CLINT1: variants seen among roughly 807,000 people sequenced by gnomAD.
CLINT1 encodes clathrin interacting protein localized in the trans-Golgi region.
Under a neutral mutation model 70.4 loss-of-function variants are expected in CLINT1, and 15 were observed. The observed-to-expected ratio is 0.21, with a 90% CI of 0.14 to 0.33. The LOEUF is 0.33. Among genes scored for constraint, CLINT1 ranks in the 10% least tolerant of loss-of-function variants. The pLI, the probability that CLINT1 is intolerant of heterozygous loss-of-function variation, is 1.00. For missense variants in CLINT1, 615 were observed against 778.1 expected, an observed-to-expected ratio of 0.79 and a Z score of 2.49; for synonymous variants, 227 against 254.7, an observed-to-expected ratio of 0.89 and a Z score of 1.04.
chr5:157,825,869 T>C (rs142337655), intron 1 of CLINT1, among the ~76,000 whole-genome samples: 19 of 152,238 alleles, frequency 1.2e-4, no homozygotes, highest in African/African-American at 4.3e-4. Flanking sequence ...AGTATTATCA[T>C]GAAGGCAGAG....
chr5:157,850,390 G>A (rs1454875674), intron 1 of CLINT1, among the ~76,000 whole-genome samples: 1 of 151,970 alleles, frequency 6.6e-6, no homozygotes, highest in African/African-American at 2.4e-5. Flanking sequence ...GGCTTGAGGC[G>A]GGCGGATTGC....
rs761447123 is a variant in CLINT1, at chr5:157,787,624, A to G, written c.*22T>C. ...CTGCACAGCTAAAAATTCTTCATTC[A>G]ATCTGCTTCTTTTACAATCTCTTAT... is the stretch of plus-strand genomic sequence containing the variant. On this transcript the variant is annotated 3_prime_UTR_variant, in exon 12 of 12. Transcript: ENST00000411809. 3 of 1,601,358 alleles carry G rather than the reference A, an allele frequency of 1.9e-6. No homozygotes were observed. Among genetic ancestry groups the G allele is most frequent in the African/African-American group, 1.3e-5 (1 of 74,662 alleles).
intron 1 of CLINT1, among the ~76,000 whole-genome samples, chr5:157,838,122 G>GTTTT (rs199515235): frequency 3.1e-5 from 4 of 129,944 alleles, no homozygotes; most frequent in Non-Finnish European, 4.8e-5. Context: ...AGGTTTTTTT[G>GTTTT]TTTTTTTTTT....
intron 1 of CLINT1, among the ~76,000 whole-genome samples, chr5:157,854,292 T>TA (rs779657899): frequency 6.6e-6 from 1 of 152,082 alleles, no homozygotes; most frequent in African/African-American, 2.4e-5. Flanking sequence ...GTTCAGAAAA[T>TA]AGAGTACTAG....
chr5:157,788,464 T>C (rs1761794512), intron 11 of CLINT1, among the ~76,000 whole-genome samples: 1 of 152,152 alleles, frequency 6.6e-6, no homozygotes, highest in African/African-American at 2.4e-5. Flanking sequence ...AACAGAAGTA[T>C]GAAGATTTAT....
chr5:157,803,797 A>C, intron 7 of CLINT1, 78 bp from the exon 8 acceptor site: 25 of 1,003,352 alleles, frequency 2.5e-5, no homozygotes, highest in Non-Finnish European at 3.6e-5. Context: ...TCTAATTCTC[A>C]ATTTAGACAT....
rs771920075 is a variant in CLINT1, at chr5:157,787,839, C to G, written c.1685G>C (p.Gly562Ala). 3.7e-6 allele frequency: 6 copies of G among 1,613,922 alleles called. No individual in the cohort carries two copies. Among genetic ancestry groups the G allele is most frequent in the Non-Finnish European group, 5.1e-6 (6 of 1,179,866 alleles). Residue 562 changes from glycine to alanine, a missense_variant, in exon 12 of 12, where the codon GGA becomes GCA. Gly to Ala is a moderately conservative substitution (Grantham distance 60). Transcript: ENST00000411809. ...CGGAGTATTTCCAAGAGGGGCCATT[C>G]CCATGGTGCCAGTCATCACATTGGG... is the stretch of plus-strand genomic sequence containing the variant. ...SMPNVMTGTM[G>A]MAPLGNTPMM...
At chr5:157,788,153 C>T in intron 11 of CLINT1, 161 bp from the exon 12 acceptor site, 1 of 679,298 alleles carries the variant, frequency 1.5e-6, no homozygotes. Context: ...GCACTGGTTC[C>T]TCTTGAGACA....
At chr5:157,815,142 C>A (rs999538184) in intron 3 of CLINT1, among the ~76,000 whole-genome samples, 1 of 151,542 alleles carries the variant, frequency 6.6e-6, no homozygotes, top group Admixed American at 6.6e-5. Context: ...CACACACACA[C>A]ACACACAAAT....
chr5:157,800,779 A>C (rs1762188158), intron 8 of CLINT1, among the ~76,000 whole-genome samples: 5 of 152,198 alleles, frequency 3.3e-5, no homozygotes, highest in Admixed American at 2.6e-4. Context: ...ACTGGAGAAG[A>C]CAAACCACTC....
chr5:157,846,273 G>A (rs902040213), intron 1 of CLINT1, among the ~76,000 whole-genome samples: 19 of 152,180 alleles, frequency 1.2e-4, no homozygotes, highest in Admixed American at 9.2e-4. Flanking sequence ...TGTTCTTGAA[G>A]GAAATTTAAA....
At chr5:157,845,829 C>T (rs1753358106) in intron 1 of CLINT1, among the ~76,000 whole-genome samples, 1 of 152,248 alleles carries the variant, frequency 6.6e-6, no homozygotes, top group Non-Finnish European at 1.5e-5. Context: ...GCTGGGATTA[C>T]AGGCGTAAGC....
At chr5:157,836,881 TA>T (rs1227634390) in intron 1 of CLINT1, among the ~76,000 whole-genome samples, 8 of 152,210 alleles carry the variant, frequency 5.3e-5, no homozygotes, top group African/African-American at 1.9e-4. Flanking sequence ...ACACAGAATG[TA>T]TAATTATTTT....
At chr5:157,792,553 A>T (rs1162248543) in intron 9 of CLINT1, among the ~76,000 whole-genome samples, 2 of 152,194 alleles carry the variant, frequency 1.3e-5, no homozygotes. Context: ...GTCTAAAAAA[A>T]AATGAAGAAT....
intron 1 of CLINT1, chr5:157,823,781 G>A (rs891910566): frequency 7.3e-5 from 57 of 784,190 alleles, no homozygotes; most frequent in South Asian, 1.2e-4. Flanking sequence ...CCCAACCCCC[G>A]GAGTTGCGGA....
chr5:157,848,000 T>C (rs1753439788), intron 1 of CLINT1, among the ~76,000 whole-genome samples: 1 of 152,092 alleles, frequency 6.6e-6, no homozygotes, highest in African/African-American at 2.4e-5. Flanking sequence ...AGAGATGAGG[T>C]TTCACCATAT....
chr5:157,844,944 C>T (rs374179427), intron 1 of CLINT1, among the ~76,000 whole-genome samples: 85 of 152,284 alleles, frequency 5.6e-4, no homozygotes, highest in African/African-American at 2.0e-3. Flanking sequence ...TAAGGGTCAC[C>T]GACCTCACAG....
intron 10 of CLINT1, among the ~76,000 whole-genome samples, chr5:157,791,402 A>G (rs1761900472): frequency 6.6e-6 from 1 of 152,156 alleles, no homozygotes; most frequent in African/African-American, 2.4e-5. Context: ...ATCAAGTACC[A>G]ATTTGTTGTA....
intron 1 of CLINT1, among the ~76,000 whole-genome samples, chr5:157,829,842 C>A (rs1238544696): frequency 1.3e-5 from 2 of 151,804 alleles, no homozygotes; most frequent in African/African-American, 4.8e-5. Flanking sequence ...TGTGCCCCGC[C>A]AATATTAAAC....
Sources: gnomAD v4.1 joint callset for allele counts (sites outside exome capture counted in the v4.1 genomes callset) on GRCh38, gnomAD v4.1.1 for gene constraint, MANE v1.5 for transcripts, NCBI Gene and HGNC (gene_info 2026-07-23, HGNC 2026-07-21) for gene names.